Variants in DLC1 observed in about 807,000 individuals in gnomAD.
The protein encoded by DLC1 is rho GTPase-activating protein 7.
A neutral mutation model predicts 140.3 loss-of-function variants in DLC1; 54 were observed. The observed-to-expected ratio is 0.38, with a 90% CI of 0.31 to 0.48. The LOEUF (loss-of-function observed/expected upper bound fraction) is 0.48. Ranked by LOEUF, DLC1 falls within the 20% of genes least tolerant of loss-of-function variation. DLC1 has a pLI of 0.96. For missense variants in DLC1, 2,536 were observed against 1,907.0 expected (o/e 1.33, Z -6.14); for synonymous variants, 986 against 728.1 (o/e 1.35, Z -5.70).
chr8:13,156,318 T>C (rs1197462312), intron 5 of DLC1, among the ~76,000 whole-genome samples: 3 of 152,114 alleles, frequency 2.0e-5, no homozygotes, highest in East Asian at 3.9e-4. Flanking sequence ...ACATACAGTA[T>C]CCTGAGTACA....
At chr8:13,309,234 T>C (rs919025215) in intron 4 of DLC1, among the ~76,000 whole-genome samples, 2 of 152,190 alleles carry the variant, frequency 1.3e-5, no homozygotes, top group African/African-American at 4.8e-5. Context: ...CTGTAACTTA[T>C]ATATTTTTTT....
chr8:13,282,300 A>G lies in DLC1; in HGVS notation c.1348+22969T>C, dbSNP rs550240306. 3.9e-5 allele frequency among the ~76,000 whole-genome samples: 6 copies of G among 152,272 alleles called. 1 individual carries two copies. Among genetic ancestry groups the G allele is most frequent in the African/African-American group, 1.4e-4 (6 of 41,546 alleles). On this transcript the variant is annotated intron_variant, in intron 5 of 17. Coordinates refer to ENST00000276297, the MANE Select transcript of DLC1 (RefSeq NM_182643.3). ...TCTTTTCCACTCTCTGCAGTTGACT[A>G]CAGTTTTTGAGGTGAAAATATTTAG...
chr8:13,327,120 A>ATTTT lies in DLC1; in HGVS notation c.1315-21822_1315-21819dup, dbSNP rs34667525. On this transcript the variant is annotated intron_variant, in intron 4 of 17. Transcript: ENST00000276297. ...TAGGCGCCCGCCACCACACCCGGCTATTTTTTTTTTTTTTTTTTTTTTTTT... is the reference window on the plus strand; with the variant it reads ...TAGGCGCCCGCCACCACACCCGGCTATTTTTTTTTTTTTTTTTTTTTTTTTTTTT... 5.4e-3 allele frequency among the ~76,000 whole-genome samples: 461 copies of ATTTT among 85,616 alleles called. 6 individuals are homozygous for ATTTT. The highest frequency in any genetic ancestry group is 0.021 in the Middle Eastern group (2 of 94). 56.2% of individuals were successfully genotyped at this position (85,616 alleles called of 152,430 possible).
At chr8:13,257,489 T>C (rs997225397) in intron 5 of DLC1, among the ~76,000 whole-genome samples, 2 of 149,486 alleles carry the variant, frequency 1.3e-5, no homozygotes, top group Non-Finnish European at 3.0e-5. Flanking sequence ...ATTGAACAAG[T>C]GAATATCACT....
chr8:13,469,520 C>G (rs1351536247), intron 2 of DLC1, among the ~76,000 whole-genome samples: 1 of 152,100 alleles, frequency 6.6e-6, no homozygotes, highest in East Asian at 1.9e-4. Flanking sequence ...AAAAGCAAAA[C>G]TGTTCATAAA....
chr8:13,560,813 A>C (rs1003045744), intron 1 of DLC1, among the ~76,000 whole-genome samples: 9 of 152,134 alleles, frequency 5.9e-5, no homozygotes, highest in African/African-American at 2.2e-4. Flanking sequence ...ACAGGCATGG[A>C]GGGAGAACAT....
intron 1 of DLC1, among the ~76,000 whole-genome samples, chr8:13,564,242 T>G (rs927807116): frequency 4.6e-5 from 7 of 152,108 alleles, no homozygotes; most frequent in Non-Finnish European, 7.4e-5. Flanking sequence ...TAAAAACATT[T>G]TACAGATAAA....
intron 4 of DLC1, among the ~76,000 whole-genome samples, chr8:13,317,111 A>G (rs936735503): frequency 2.0e-5 from 3 of 152,218 alleles, no homozygotes; most frequent in Admixed American, 1.3e-4. Flanking sequence ...GAATGGGTCA[A>G]TGAATTCTGA....
At chr8:13,396,913 C>T (rs545535221) in intron 3 of DLC1, among the ~76,000 whole-genome samples, 1 of 152,258 alleles carries the variant, frequency 6.6e-6, no homozygotes, top group South Asian at 2.1e-4. Context: ...CTCATTACAA[C>T]TGCCACTCAT....
chr8:13,459,804 T>C (rs574126095), intron 2 of DLC1, among the ~76,000 whole-genome samples: 5 of 152,334 alleles, frequency 3.3e-5, no homozygotes, highest in African/African-American at 9.6e-5. Context: ...ATAAGCATAA[T>C]AAAACTTGAA....
intron 4 of DLC1, chr8:13,339,490 G>C (rs993420123): frequency 8.5e-5 from 13 of 152,260 alleles, no homozygotes; most frequent in African/African-American, 2.9e-4. Flanking sequence ...ACAGATTACA[G>C]GTGAGTATTT....
At chr8:13,219,168 CTATATAATTATATGAATATAACTA>C (rs1828405677) in intron 5 of DLC1, among the ~76,000 whole-genome samples, 1 of 46,152 alleles carries the variant, frequency 2.2e-5, no homozygotes, top group East Asian at 1.4e-3. Flanking sequence ...ATGAATATAA[CTATATAATTATATGAATATAACTA>C]TATAAGAATA....
intron 4 of DLC1, among the ~76,000 whole-genome samples, chr8:13,325,505 C>A (rs1004710466): frequency 6.6e-6 from 1 of 151,826 alleles, no homozygotes; most frequent in South Asian, 2.1e-4. Context: ...GTCATGTATG[C>A]TGGTGTAAAA....
At chr8:13,405,046 ATT>A (rs112706602) in intron 2 of DLC1, among the ~76,000 whole-genome samples, 1 of 144,624 alleles carries the variant, frequency 6.9e-6, no homozygotes, top group Non-Finnish European at 1.5e-5. Flanking sequence ...CTTCTGGAGG[ATT>A]TTTTTTTTTT....
rs962066253 is a variant in DLC1 at position 13,086,177 on chromosome 8, G to A, written c.4466+113C>T. 9 of 1,423,718 alleles carry A rather than the reference G, an allele frequency of 6.3e-6. No individual in the cohort carries two copies. The Admixed American group carries it at 2.1e-4, about 33-fold the overall frequency. 88.2% of individuals were successfully genotyped at this position (1,423,718 alleles called of 1,614,324 possible). ...CTACTTTCTAAACACCATTCTTCAT[G>A]AAGTCACCAAGAAAAAATGACGTGT... On this transcript the variant is annotated intron_variant, in intron 17 of 17. Transcript: ENST00000276297.
intron 4 of DLC1, among the ~76,000 whole-genome samples, chr8:13,382,282 C>T (rs926981641): frequency 3.3e-5 from 5 of 151,202 alleles, no homozygotes; most frequent in African/African-American, 7.3e-5. Flanking sequence ...CCGAGGCGGG[C>T]GGATCACGAG....
intron 1 of DLC1, among the ~76,000 whole-genome samples, chr8:13,599,462 G>A (rs988882626): frequency 6.6e-6 from 1 of 151,940 alleles, no homozygotes; most frequent in Non-Finnish European, 1.5e-5. Flanking sequence ...ACATTTTTGT[G>A]TTAGTTAAAA....
intron 4 of DLC1, among the ~76,000 whole-genome samples, chr8:13,365,592 T>C (rs189117358): frequency 6.6e-6 from 1 of 152,314 alleles, no homozygotes; most frequent in East Asian, 1.9e-4. Context: ...TCCACCTTGC[T>C]TAATGAAGCA....
At chr8:13,466,343 A>G (rs772749289) in intron 2 of DLC1, among the ~76,000 whole-genome samples, 16 of 152,164 alleles carry the variant, frequency 1.1e-4, no homozygotes, top group Non-Finnish European at 2.2e-4. Context: ...TCTGTGAGTA[A>G]TAAAACACTT....
Sources: gnomAD v4.1 joint callset for allele counts (sites outside exome capture counted in the v4.1 genomes callset) on GRCh38, gnomAD v4.1.1 for gene constraint, MANE v1.5 for transcripts, NCBI Gene and HGNC (gene_info 2026-07-23, HGNC 2026-07-21) for gene names.